CCDC149: variants seen among roughly 807,000 people sequenced by gnomAD.
CCDC149 encodes coiled-coil domain-containing protein 149.
A neutral mutation model predicts 59.9 loss-of-function variants in CCDC149; 45 were observed. The ratio of observed to expected loss-of-function variants is 0.75; its 90% CI spans 0.59 to 0.96. The LOEUF (loss-of-function observed/expected upper bound fraction) is 0.96. CCDC149 is among the 40% of genes least tolerant of loss of function. The probability of loss-of-function intolerance (pLI) is 0.00; values close to 1 mark genes in which losing one functional copy is unlikely to be tolerated. For missense variants in CCDC149, 584 were observed against 664.7 expected (o/e 0.88, Z 1.33); for synonymous variants, 245 against 260.6 (o/e 0.94, Z 0.58).
At chr4:24,822,367 T>C in intron 10 of CCDC149, 130 bp downstream of exon 10, 1 of 513,208 alleles carries the variant, frequency 1.9e-6, no homozygotes, top group Non-Finnish European at 3.3e-6. Flanking sequence ...TCAGCAATGA[T>C]CTACTTTAAA....
chr4:24,885,168 T>G (rs1443220947), intron 1 of CCDC149, among the ~76,000 whole-genome samples: 1 of 152,050 alleles, frequency 6.6e-6, no homozygotes, highest in Non-Finnish European at 1.5e-5. Flanking sequence ...AGGGCCCGGA[T>G]GTGGTGCTGA....
intron 1 of CCDC149, among the ~76,000 whole-genome samples, chr4:24,893,181 C>T (rs1212562513): frequency 6.6e-6 from 1 of 152,144 alleles, no homozygotes; most frequent in Non-Finnish European, 1.5e-5. Flanking sequence ...ATGTCTTCCT[C>T]CTTCTTGCCA....
chr4:24,966,721 C>T lies in CCDC149; in HGVS notation c.-65+13348G>A, dbSNP rs373525278. Among the ~76,000 whole-genome samples, 32 of 152,320 alleles carry T rather than the reference C, an allele frequency of 2.1e-4. No homozygotes were observed. In the South Asian group the frequency reaches 4.1e-3, roughly 20 times the overall value. ...TCTGGAGCAGCAATTTCAGAAAATG[C>T]CCAAGGGGGAGAAGGACATTGCTGC... On this transcript the variant is annotated intron_variant, in intron 1 of 12. Transcript: ENST00000389609.
intron 1 of CCDC149, among the ~76,000 whole-genome samples, chr4:24,923,879 G>C (rs892106267): frequency 1.3e-5 from 2 of 152,160 alleles, no homozygotes; most frequent in African/African-American, 2.4e-5. Flanking sequence ...GGTTGCCAGG[G>C]CAGCCCTGCT....
At chr4:24,885,680 G>C (rs920988369) in intron 1 of CCDC149, among the ~76,000 whole-genome samples, 2 of 152,150 alleles carry the variant, frequency 1.3e-5, no homozygotes, top group African/African-American at 4.8e-5. Flanking sequence ...GGGGCCAAGA[G>C]ACAAACACTT....
chr4:24,967,220 C>G (rs188963598), intron 1 of CCDC149, among the ~76,000 whole-genome samples: 5 of 152,246 alleles, frequency 3.3e-5, no homozygotes, highest in Non-Finnish European at 7.4e-5. Flanking sequence ...TCACCAGCCT[C>G]AGGTCCTGCC....
chr4:24,912,632 G>C (rs972267046), intron 1 of CCDC149, among the ~76,000 whole-genome samples, 185 bp downstream of exon 1: 4 of 152,148 alleles, frequency 2.6e-5, no homozygotes, highest in African/African-American at 7.2e-5. Flanking sequence ...AGTGGCGCCC[G>C]CGCAGACCCG....
chr4:24,898,437 G>A (rs886845144), intron 1 of CCDC149, among the ~76,000 whole-genome samples: 14 of 152,094 alleles, frequency 9.2e-5, no homozygotes, highest in African/African-American at 2.9e-4. Flanking sequence ...GAAGCTGGCC[G>A]GGACATTGGG....
chr4:24,835,397 T>C (rs1716451536), intron 7 of CCDC149, among the ~76,000 whole-genome samples: 1 of 152,226 alleles, frequency 6.6e-6, no homozygotes, highest in Non-Finnish European at 1.5e-5. Context: ...TGACTAGGTT[T>C]ATTTCCATGC....
At chr4:24,834,704 A>T (rs1190075176) in intron 8 of CCDC149, among the ~76,000 whole-genome samples, 1 of 152,220 alleles carries the variant, frequency 6.6e-6, no homozygotes, top group Non-Finnish European at 1.5e-5. Context: ...GGAACTTTTT[A>T]GAAATACATA....
At chr4:24,973,486 A>T (rs1288484474) in intron 1 of CCDC149, among the ~76,000 whole-genome samples, 1 of 152,232 alleles carries the variant, frequency 6.6e-6, no homozygotes, top group East Asian at 1.9e-4. Flanking sequence ...AAAAGTCTGG[A>T]GAAAAAGAAG....
intron 6 of CCDC149, 82 bp from the exon 7 acceptor site, chr4:24,836,590 A>G: frequency 1.2e-6 from 1 of 861,818 alleles, no homozygotes; most frequent in Middle Eastern, 3.5e-4. Flanking sequence ...AAAAAACAAA[A>G]ACCACTTGCC....
At chr4:24,964,918 T>C (rs1157649694) in intron 1 of CCDC149, among the ~76,000 whole-genome samples, 1 of 144,380 alleles carries the variant, frequency 6.9e-6, no homozygotes, top group African/African-American at 2.8e-5. Flanking sequence ...CAGAAAGAAC[T>C]GTACTTGCTT....
chr4:24,945,186 T>C (rs1723072840), intron 1 of CCDC149, among the ~76,000 whole-genome samples: 1 of 152,076 alleles, frequency 6.6e-6, no homozygotes. Flanking sequence ...GTGTACTGAG[T>C]TGAATAGCAT....
intron 12 of CCDC149, among the ~76,000 whole-genome samples, chr4:24,810,081 G>A (rs1260534130): frequency 1.3e-5 from 2 of 152,180 alleles, no homozygotes; most frequent in Non-Finnish European, 2.9e-5. Flanking sequence ...GCCATGTCAC[G>A]CACCCATTAG....
chr4:24,858,866 C>T (rs1453454492), intron 3 of CCDC149, among the ~76,000 whole-genome samples: 1 of 152,132 alleles, frequency 6.6e-6, no homozygotes, highest in African/African-American at 2.4e-5. Flanking sequence ...GAATCCTCAC[C>T]GAGGTAGGTT....
chr4:24,975,918 A>T (rs1724171050), intron 1 of CCDC149, among the ~76,000 whole-genome samples: 1 of 150,738 alleles, frequency 6.6e-6, no homozygotes, highest in Non-Finnish European at 1.5e-5. Context: ...TCTGTGTTCC[A>T]GTGTGGTCCA....
intron 1 of CCDC149, among the ~76,000 whole-genome samples, chr4:24,951,867 A>C (rs55807946): frequency 0.059 from 8,929 of 152,272 alleles, 741 homozygotes; most frequent in African/African-American, 0.18. Flanking sequence ...ACTAAAGCCC[A>C]CACTGCAGAT....
chr4:24,892,020 AG>A (rs1720556301), intron 1 of CCDC149, among the ~76,000 whole-genome samples: 1 of 152,172 alleles, frequency 6.6e-6, no homozygotes, highest in African/African-American at 2.4e-5. Context: ...AAAGGTCAAA[AG>A]AAAATTCAGT....
Sources: gnomAD v4.1 joint callset for allele counts (sites outside exome capture counted in the v4.1 genomes callset) on GRCh38, gnomAD v4.1.1 for gene constraint, MANE v1.5 for transcripts, NCBI Gene and HGNC (gene_info 2026-07-23, HGNC 2026-07-21) for gene names.